APC: variants seen among roughly 807,000 people sequenced by gnomAD.
The protein encoded by APC is adenomatous polyposis coli protein.
A neutral mutation model predicts 247.0 loss-of-function variants in APC; 72 were observed. The ratio of observed to expected loss-of-function variants is 0.29; its 90% CI spans 0.24 to 0.35. APC has a LOEUF of 0.35. Ranked by LOEUF, APC falls within the 10% of genes least tolerant of loss-of-function variation. The pLI is 1.00. For missense variants in APC, 3,400 were observed against 3,360.7 expected (o/e 1.01, Z -0.29); for synonymous variants, 1,254 against 1,162.5 (o/e 1.08, Z -1.60).
At chr5:112,743,765 C>G (rs1244012735) in intron 1 of APC, among the ~76,000 whole-genome samples, 1 of 152,130 alleles carries the variant, frequency 6.6e-6, no homozygotes, top group South Asian at 2.1e-4. Flanking sequence ...CATTGTCTTA[C>G]CAGTCATTGA....
Position 112,842,858 on chromosome 5 carries a change from A to G in APC, c.7264A>G (p.Thr2422Ala), listed in dbSNP as rs730881260. 25 of 1,613,898 alleles carry G rather than the reference A, an allele frequency of 1.5e-5. No individual in the cohort carries two copies. The highest frequency in any genetic ancestry group is 4.5e-5 in the East Asian group (2 of 44,894). ...KKVELSRMSS[T>A]KSSGSESDRS... ...GGTAGAACTTTCTAGAATGTCTTCA[A>G]CTAAATCAAGTGGAAGTGAATCTGA... is the stretch of plus-strand genomic sequence containing the variant. The change falls in exon 16 of 16, where the codon ACT (threonine) becomes GCT (alanine). Residue 2422 changes from threonine (T) to alanine (A), a missense_variant. Physicochemically the swap from Thr to Ala is moderately conservative, Grantham distance 58 (BLOSUM62 0). Transcript: ENST00000257430.
At position 112,841,016 on chromosome 5, in the gene APC, A is replaced by G. The variant is rs533762549; in HGVS notation, c.5422A>G (p.Asn1808Asp). 5 of 1,610,928 alleles carry G rather than the reference A, an allele frequency of 3.1e-6. No individual in the cohort carries two copies. The highest frequency in any genetic ancestry group is 1.7e-4 in the Middle Eastern group (1 of 6,052). The part of the protein sequence containing the change: ...NLNAERVFSD[N>D]KDSKKQNLKN... ...AAATGCTGAGAGAGTTTTCTCAGAC[A>G]ACAAAGATTCAAAGAAACAGAATTT... is the stretch of plus-strand genomic sequence containing the variant. Residue 1808 changes from asparagine (N) to aspartate (D), a missense_variant, in exon 16 of 16, where the codon AAC becomes GAC. Asn to Asp is a conservative substitution (Grantham distance 23, BLOSUM62 1). Transcript: ENST00000257430. This position sits in a 1 kb window ranked among gnomAD's most constrained non-coding sequence, Gnocchi z 4.6.
intron 1 of APC, among the ~76,000 whole-genome samples, chr5:112,710,304 A>T (rs1238304182): frequency 2.6e-5 from 4 of 152,152 alleles, no homozygotes; most frequent in African/African-American, 9.7e-5. Context: ...TCAGGTTTTT[A>T]TAGCAAATAA....
chr5:112,753,828 G>C (rs1754653703), intron 1 of APC, among the ~76,000 whole-genome samples: 1 of 152,154 alleles, frequency 6.6e-6, no homozygotes, highest in South Asian at 2.1e-4. Flanking sequence ...TTAATGTCAA[G>C]ATGTTTAAGT....
intron 8 of APC, among the ~76,000 whole-genome samples, chr5:112,812,737 TTGTG>T (rs1762114664): frequency 6.6e-6 from 1 of 152,218 alleles, no homozygotes; most frequent in Admixed American, 6.5e-5. Context: ...CTCATCTAGA[TTGTG>T]TGTGTAGTGT....
Position 112,737,920 on chromosome 5 carries a change from A to T in APC, c.-24A>T. On this transcript the variant is annotated 5_prime_UTR_variant, in exon 1 of 16. Transcript: ENST00000257430. ...GAATGGAGGTGCTGCCGGACTCGGA[A>T]ATGGGGTAGGTGCTGGAGCCACCAT... 1.0e-6 allele frequency: 1 copy of T among 985,750 alleles called. No homozygotes were observed. The highest frequency in any genetic ancestry group is 1.2e-6 in the Non-Finnish European group (1 of 830,214). The allele number at this position is 985,750 out of a possible 1,614,324, so 61.1% of individuals were successfully genotyped here.
chr5:112,822,049 G>C (rs754689129), intron 11 of APC, 58 bp downstream of exon 11: 62 of 1,156,328 alleles, frequency 5.4e-5, no homozygotes, highest in Non-Finnish European at 7.7e-5. Context: ...TTTAAATCAT[G>C]GTAGAAATTC....
At chr5:112,730,979 C>T (rs76178757) in intron 1 of APC, among the ~76,000 whole-genome samples, 3,577 of 151,882 alleles carry the variant, frequency 0.024, 145 homozygotes, top group African/African-American at 0.082. Context: ...TGTGTACATA[C>T]GCAATTTATT....
intron 7 of APC, among the ~76,000 whole-genome samples, chr5:112,799,743 A>G (rs533560049): frequency 2.0e-5 from 3 of 152,228 alleles, no homozygotes; most frequent in Admixed American, 6.5e-5. Flanking sequence ...TTTTTTTATC[A>G]TATTCTTTTT....
At chr5:112,761,744 C>A (rs1755697432) in intron 2 of APC, among the ~76,000 whole-genome samples, 2 of 152,162 alleles carry the variant, frequency 1.3e-5, no homozygotes, top group African/African-American at 4.8e-5. Context: ...TGATAGACCT[C>A]ATTAAAACTA....
chr5:112,756,964 C>T (rs190483477), intron 2 of APC, among the ~76,000 whole-genome samples: 16 of 152,258 alleles, frequency 1.1e-4, no homozygotes, highest in South Asian at 4.1e-4. Flanking sequence ...TTGAGCATTT[C>T]GTTTGAGTGT....
At chr5:112,729,855 T>C (rs1446475447) in intron 1 of APC, among the ~76,000 whole-genome samples, 1 of 152,248 alleles carries the variant, frequency 6.6e-6, no homozygotes, top group African/African-American at 2.4e-5. Context: ...TAATCTAATA[T>C]ATATTTAGTA....
intron 7 of APC, among the ~76,000 whole-genome samples, chr5:112,796,586 A>G (rs968403209): frequency 1.3e-5 from 2 of 151,218 alleles, no homozygotes; most frequent in African/African-American, 4.9e-5. Context: ...TTTGCAATGG[A>G]CTCTTTTTTT....
intron 14 of APC, among the ~76,000 whole-genome samples, chr5:112,830,906 A>G (rs1764225307): frequency 6.6e-6 from 1 of 152,214 alleles, no homozygotes; most frequent in Admixed American, 6.5e-5. Flanking sequence ...ATCAAATTGT[A>G]AACTTGAAAT....
chr5:112,723,910 C>T lies in APC; in HGVS notation c.165+16028C>T, dbSNP rs116034151. 4.0e-3 allele frequency among the ~76,000 whole-genome samples: 610 copies of T among 152,034 alleles called. 2 individuals are homozygous for T. The highest frequency in any genetic ancestry group is 9.6e-3 in the African/African-American group (400 of 41,452). On this transcript the variant is annotated intron_variant, in intron 1 of 13. Coordinates refer to the APC transcript ENST00000507379. ...CCCTGCTTCTAAACTACTGGGAGGG[C>T]TCTAATTTTGGGGGGGTCCAGGGTT...
intron 8 of APC, 41 bp from the exon 9 acceptor site, chr5:112,815,454 A>G (rs759830534): frequency 2.8e-5 from 40 of 1,421,434 alleles, no homozygotes; most frequent in Admixed American, 1.2e-4. Flanking sequence ...GTATTTACCT[A>G]TAGTCTAAAT....
Position 112,845,234 on chromosome 5 carries a change from C to G in APC, c.*1108C>G, listed in dbSNP as rs960315300. On this transcript the variant is annotated 3_prime_UTR_variant, in exon 16 of 16. Coordinates refer to ENST00000257430, the MANE Select transcript of APC (RefSeq NM_000038.6). Reference sequence around the variant, plus strand: ...CATCTTGATTTTTAATATTTTTCCACTTAAACTTTTTTTTCTTACTCCACT... The same window carrying G: ...CATCTTGATTTTTAATATTTTTCCAGTTAAACTTTTTTTTCTTACTCCACT... 2 of 232,422 alleles carry G rather than the reference C, an allele frequency of 8.6e-6. No homozygotes were observed. The highest frequency in any genetic ancestry group is 1.7e-5 in the Non-Finnish European group (2 of 117,412). The allele number at this position is 232,422 out of a possible 1,614,324, so 14.4% of individuals were successfully genotyped here.
At chr5:112,825,277 A>G (rs911822482) in intron 11 of APC, among the ~76,000 whole-genome samples, 1 of 152,188 alleles carries the variant, frequency 6.6e-6, no homozygotes, top group African/African-American at 2.4e-5. Flanking sequence ...CTGTTCTACA[A>G]TACTTTGTCT....
intron 6 of APC, among the ~76,000 whole-genome samples, chr5:112,782,455 A>C (rs1460027094): frequency 2.6e-5 from 4 of 152,212 alleles, no homozygotes; most frequent in African/African-American, 9.6e-5. Context: ...CTAAAACACC[A>C]GTACCATACT....
Sources: gnomAD v4.1 joint callset for allele counts (sites outside exome capture counted in the v4.1 genomes callset) on GRCh38, gnomAD v4.1.1 for gene constraint, Gnocchi (gnomAD v3.1) non-coding constraint, MANE v1.5 for transcripts, NCBI Gene and HGNC (gene_info 2026-07-23, HGNC 2026-07-21) for gene names.